CBFA2T2: variants seen among roughly 807,000 people sequenced by gnomAD.
CBFA2T2 encodes the protein protein CBFA2T2.
In CBFA2T2, 11 loss-of-function variants were observed where a neutral mutation model predicts 62.2. That is an observed-to-expected ratio of 0.18 (90% CI 0.11 to 0.29). The LOEUF is 0.29. Among genes scored for constraint, CBFA2T2 ranks in the 10% least tolerant of loss-of-function variants. The probability of loss-of-function intolerance (pLI) is 1.00; values close to 1 mark genes in which losing one functional copy is unlikely to be tolerated. For synonymous variants in CBFA2T2, 295 were observed against 287.5 expected (o/e 1.03, Z -0.27); for missense variants, 592 against 774.1 (o/e 0.76, Z 2.79).
At chr20:33,528,800 AAGTGTTGGGATTAC>A (rs1425653976) in intron 1 of CBFA2T2, among the ~76,000 whole-genome samples, 26 of 152,170 alleles carry the variant, frequency 1.7e-4, no homozygotes, top group African/African-American at 6.3e-4. Flanking sequence ...TTGGCCTCCA[AAGTGTTGGGATTAC>A]AGGCGTAAGC....
chr20:33,499,864 TCA>T (rs2011249650), intron 1 of CBFA2T2, among the ~76,000 whole-genome samples: 1 of 152,170 alleles, frequency 6.6e-6, no homozygotes, highest in Non-Finnish European at 1.5e-5. Context: ...TTGTCCAAGG[TCA>T]CACAGTTAAT....
intron 1 of CBFA2T2, among the ~76,000 whole-genome samples, chr20:33,592,024 A>T (rs1300658235): frequency 6.6e-6 from 1 of 152,158 alleles, no homozygotes; most frequent in East Asian, 1.9e-4. Context: ...GGCACAGCAA[A>T]CAAGAGTAGT....
Position 33,629,661 on chromosome 20 carries a change from A to G in CBFA2T2, c.1033-58A>G, listed in dbSNP as rs1321852797. ...CTCATATTGCGTTGGCCTGATTTAC[A>G]GTGTTGGTTGTTTGAATGTTCTTAT... On this transcript the variant is annotated intron_variant, in intron 7 of 10. Coordinates refer to ENST00000342704, the MANE Select transcript of CBFA2T2 (RefSeq NM_001032999.3). 20 of 1,466,130 alleles carry G rather than the reference A, an allele frequency of 1.4e-5. 1 individual carries two copies. In the South Asian group the frequency reaches 1.7e-4, roughly 12 times the overall value. 90.8% of individuals were successfully genotyped at this position (1,466,130 alleles called of 1,614,324 possible).
intron 1 of CBFA2T2, among the ~76,000 whole-genome samples, chr20:33,512,109 G>A (rs949855752): frequency 4.0e-4 from 61 of 151,638 alleles, no homozygotes; most frequent in African/African-American, 1.4e-3. Flanking sequence ...CCCGGGAGGG[G>A]GAGGTTGCAG....
At chr20:33,544,945 C>CAGAATAGAATAGAATAGAATAGAAT (rs765681667) in intron 1 of CBFA2T2, among the ~76,000 whole-genome samples, 307 of 130,972 alleles carry the variant, frequency 2.3e-3, no homozygotes, top group African/African-American at 3.1e-3. Context: ...TAGAATAGAA[C>CAGAATAGAATAGAATAGAATAGAAT]AGAATAGAAT....
rs534284999 is a variant in CBFA2T2 at position 33,613,910 on chromosome 20, A to G, written c.420+2575A>G. On this transcript the variant is annotated intron_variant, in intron 3 of 10. Transcript: ENST00000342704. ...AATTAAGTATTATCTATTCTTAAAA[A>G]TAATTTCAAGACTAAAAGTAAAAAT... Among the ~76,000 whole-genome samples, 18 of 152,340 alleles carry G rather than the reference A, an allele frequency of 1.2e-4. No individual in the cohort carries two copies. The South Asian group carries it at 3.7e-3, about 32-fold the overall frequency.
At chr20:33,628,494 A>G in intron 7 of CBFA2T2, 59 bp downstream of exon 7, 1 of 1,189,168 alleles carries the variant, frequency 8.4e-7, no homozygotes, top group African/African-American at 1.5e-5. Flanking sequence ...TTGAAACAGG[A>G]GTCTCGCTCT....
rs576171563 is a variant in CBFA2T2 at position 33,526,443 on chromosome 20, A to T, written c.34+36142A>T. On this transcript the variant is annotated intron_variant, in intron 1 of 10. Coordinates refer to ENST00000342704, the MANE Select transcript of CBFA2T2 (RefSeq NM_001032999.3). ...CTAGTTCAACGTTTGTAGCAATAAA[A>T]ATAATCTATTATACCACATTTTGTT... is the stretch of plus-strand genomic sequence containing the variant. Among the ~76,000 whole-genome samples, 10 of 152,318 alleles carry T rather than the reference A, an allele frequency of 6.6e-5. No homozygotes were observed. The South Asian group carries it at 2.1e-3, about 32-fold the overall frequency.
chr20:33,540,340 C>CATAATAT (rs1433257536), intron 1 of CBFA2T2, among the ~76,000 whole-genome samples: 12 of 152,286 alleles, frequency 7.9e-5, no homozygotes, highest in South Asian at 2.1e-4. Flanking sequence ...CACAAACCTA[C>CATAATAT]ATAATATAGC....
At chr20:33,530,631 G>T (rs1421283697) in intron 1 of CBFA2T2, among the ~76,000 whole-genome samples, 1 of 151,816 alleles carries the variant, frequency 6.6e-6, no homozygotes, top group African/African-American at 2.4e-5. Flanking sequence ...TGGCCAGGCT[G>T]GTCTCGGATC....
chr20:33,514,935 G>T (rs187332960), intron 1 of CBFA2T2, among the ~76,000 whole-genome samples: 2 of 151,556 alleles, frequency 1.3e-5, no homozygotes, highest in Non-Finnish European at 2.9e-5. Context: ...CTTGTGATCC[G>T]CCCGCCTTGG....
chr20:33,618,993 C>G (rs950639177), intron 3 of CBFA2T2, among the ~76,000 whole-genome samples: 8 of 152,176 alleles, frequency 5.3e-5, no homozygotes, highest in South Asian at 2.1e-4. Flanking sequence ...AGGAGGGTTT[C>G]TGTCATAAGA....
At chr20:33,634,578 G>A (rs747476944) in intron 8 of CBFA2T2, among the ~76,000 whole-genome samples, 8 of 150,766 alleles carry the variant, frequency 5.3e-5, no homozygotes, top group Non-Finnish European at 7.4e-5. Context: ...AGCTGAGGTA[G>A]GAGGATGGCT....
chr20:33,615,474 C>T (rs2015670325), intron 3 of CBFA2T2, among the ~76,000 whole-genome samples: 1 of 152,190 alleles, frequency 6.6e-6, no homozygotes, highest in African/African-American at 2.4e-5. Flanking sequence ...TTGAAGCTAA[C>T]TGAAAGGTCT....
chr20:33,548,799 C>G (rs1359652162), intron 1 of CBFA2T2, among the ~76,000 whole-genome samples: 1 of 152,034 alleles, frequency 6.6e-6, no homozygotes, highest in African/African-American at 2.4e-5. Flanking sequence ...CTACCCTTCC[C>G]CCGAAAAAAA....
At chr20:33,526,036 C>T (rs1568800612) in intron 1 of CBFA2T2, among the ~76,000 whole-genome samples, 1 of 152,054 alleles carries the variant, frequency 6.6e-6, no homozygotes, top group Non-Finnish European at 1.5e-5. Context: ...GAAGTGCTGT[C>T]TCCTGTTTCC....
chr20:33,615,007 C>G lies in CBFA2T2; in HGVS notation c.420+3672C>G, dbSNP rs568747385. ...TACAAATAATGTTCCTATGAACATTCTTTTACACGTGTGGAAACACTGCAC... is the reference window on the plus strand; with the variant it reads ...TACAAATAATGTTCCTATGAACATTGTTTTACACGTGTGGAAACACTGCAC... On this transcript the variant is annotated intron_variant, in intron 3 of 10. Transcript: ENST00000342704. Among the ~76,000 whole-genome samples, 9 of 152,296 alleles carry G rather than the reference C, an allele frequency of 5.9e-5. No individual in the cohort carries two copies. In the East Asian group the frequency reaches 1.7e-3, roughly 29 times the overall value.
chr20:33,602,888 C>T (rs577343368), intron 1 of CBFA2T2, among the ~76,000 whole-genome samples: 2 of 152,278 alleles, frequency 1.3e-5, no homozygotes, highest in South Asian at 4.1e-4. Context: ...TACTTGACCA[C>T]AAGCACTGCA....
intron 3 of CBFA2T2, 129 bp from the exon 4 acceptor site, chr20:33,619,388 C>G (rs2015845201): frequency 4.0e-6 from 2 of 495,366 alleles, no homozygotes; most frequent in Non-Finnish European, 3.3e-6. Context: ...GCCTGGGCAA[C>G]AGAGCAAGAC....
Sources: allele counts gnomAD v4.1 joint callset (sites outside exome capture counted in the v4.1 genomes callset), GRCh38; gene constraint gnomAD v4.1.1; transcripts MANE v1.5; gene names NCBI Gene and HGNC (gene_info 2026-07-23, HGNC 2026-07-21).